Variants in WDR72 observed in about 807,000 individuals in gnomAD.
WDR72 encodes the protein WD repeat domain 72, also known as WD repeat-containing protein 72.
In WDR72, 120 loss-of-function variants were observed where a neutral mutation model predicts 124.2. That is an observed-to-expected ratio of 0.97 (90% CI 0.83 to 1.12). WDR72 has a LOEUF of 1.12. Ranked by LOEUF, WDR72 falls within the 50% of genes most tolerant of loss-of-function variation. The pLI is 0.00. For missense variants in WDR72, 1,387 were observed against 1,278.8 expected (o/e 1.08, Z -1.29); for synonymous variants, 452 against 441.7 (o/e 1.02, Z -0.29).
chr15:53,614,033 T>A (rs534305188), intron 15 of WDR72, among the ~76,000 whole-genome samples: 1 of 152,222 alleles, frequency 6.6e-6, no homozygotes, highest in South Asian at 2.1e-4. Context: ...ATCTGTGAAC[T>A]ATGTTTACAA....
Position 53,737,852 on chromosome 15 carries a change from C to T in WDR72, c.-12-4691G>A, listed in dbSNP as rs545424445. On this transcript the variant is annotated intron_variant, in intron 1 of 19. Transcript: ENST00000360509. ...TGCATCTAGGAATTAAATAAAAATA[C>T]ATTTCAATGAGACCACGCATACAAC... Among the ~76,000 whole-genome samples the T allele has an allele frequency of 7.9e-5, 12 of 152,210 alleles. No homozygotes were observed. The East Asian group carries it at 2.3e-3, about 29-fold the overall frequency.
intron 18 of WDR72, among the ~76,000 whole-genome samples, chr15:53,596,344 C>G (rs4451891): frequency 0.34 from 52,272 of 151,740 alleles, 9,140 homozygotes; most frequent in Admixed American, 0.41. Context: ...GCTAACATTA[C>G]GATAAAAATC....
chr15:53,659,888 G>A (rs1343828362), intron 14 of WDR72, among the ~76,000 whole-genome samples: 1 of 151,998 alleles, frequency 6.6e-6, no homozygotes, highest in Non-Finnish European at 1.5e-5. Context: ...CATCTTCCTA[G>A]GCTGGGTATT....
At chr15:53,756,869 T>G (rs748632612) in intron 1 of WDR72, 2 of 152,206 alleles carry the variant, frequency 1.3e-5, no homozygotes, top group Non-Finnish European at 2.9e-5. Flanking sequence ...TCTTAATCAC[T>G]GCACTATGCT....
At chr15:53,637,837 G>C (rs537847865) in intron 14 of WDR72, among the ~76,000 whole-genome samples, 3 of 152,244 alleles carry the variant, frequency 2.0e-5, no homozygotes, top group Admixed American at 6.5e-5. Flanking sequence ...CACAGAAACT[G>C]TTCATGCGTG....
intron 13 of WDR72, among the ~76,000 whole-genome samples, chr15:53,695,909 C>G (rs1042005595): frequency 6.6e-6 from 1 of 152,200 alleles, no homozygotes; most frequent in Non-Finnish European, 1.5e-5. Context: ...AAACTTTCCT[C>G]TATAATCGAG....
chr15:53,575,104 A>G (rs1299932641), intron 18 of WDR72, among the ~76,000 whole-genome samples: 1 of 151,970 alleles, frequency 6.6e-6, no homozygotes, highest in Non-Finnish European at 1.5e-5. Context: ...ATGTGTTTTG[A>G]TACATATATA....
intron 3 of WDR72, among the ~76,000 whole-genome samples, chr15:53,720,408 G>A (rs2017844741): frequency 6.6e-6 from 1 of 152,108 alleles, no homozygotes; most frequent in Non-Finnish European, 1.5e-5. Flanking sequence ...GCTTTGCTGG[G>A]TTTTGTCCAA....
intron 18 of WDR72, among the ~76,000 whole-genome samples, chr15:53,583,975 A>G (rs1007085996): frequency 2.6e-5 from 4 of 151,978 alleles, no homozygotes; most frequent in African/African-American, 9.7e-5. Flanking sequence ...TGACAGAGAG[A>G]TAATATATCC....
chr15:53,548,245 C>A lies in WDR72; in HGVS notation c.3149-24923G>T, dbSNP rs188113718. ...TAGCACTGAACCATATACCTGTTTT[C>A]CTTCTAAATGCACCCGTGGTAAGGT... On this transcript the variant is annotated intron_variant, in intron 18 of 19. Transcript: ENST00000360509. Among the ~76,000 whole-genome samples the A allele has an allele frequency of 1.3e-3, 197 of 152,282 alleles. 1 individual carries two copies. Among genetic ancestry groups the A allele is most frequent in the African/African-American group, 4.5e-3 (186 of 41,556 alleles).
chr15:53,753,013 A>G (rs1736100929), intron 1 of WDR72, among the ~76,000 whole-genome samples: 2 of 152,190 alleles, frequency 1.3e-5, no homozygotes, highest in Non-Finnish European at 2.9e-5. Flanking sequence ...TAAAGAACCA[A>G]CGTAAAGTAG....
intron 1 of WDR72, among the ~76,000 whole-genome samples, chr15:53,734,663 T>C (rs2140618651): frequency 6.6e-6 from 1 of 152,160 alleles, no homozygotes; most frequent in East Asian, 1.9e-4. Context: ...TATTAATCCC[T>C]ATGTAAGGAT....
chr15:53,673,438 TTTTC>T (rs1246022117), intron 13 of WDR72, among the ~76,000 whole-genome samples: 3 of 152,206 alleles, frequency 2.0e-5, no homozygotes, highest in Non-Finnish European at 4.4e-5. Flanking sequence ...TACAGAAACA[TTTTC>T]TTTATGTTAA....
chr15:53,523,010 C>CTTTG (rs1051976442), intron 19 of WDR72, among the ~76,000 whole-genome samples: 10 of 151,928 alleles, frequency 6.6e-5, no homozygotes. Flanking sequence ...GTCATAAAGC[C>CTTTG]TTTGTACTTC....
intron 13 of WDR72, among the ~76,000 whole-genome samples, chr15:53,671,020 T>G (rs1385729914): frequency 2.0e-5 from 3 of 152,154 alleles, no homozygotes; most frequent in African/African-American, 7.2e-5. Context: ...GATTATATAT[T>G]TGACTTATTT....
At chr15:53,594,924 A>G (rs35968624) in intron 18 of WDR72, among the ~76,000 whole-genome samples, 20,957 of 152,072 alleles carry the variant, frequency 0.14, 2,240 homozygotes, top group African/African-American at 0.3. Flanking sequence ...AAAGAAAAAG[A>G]CAATATTAAT....
Position 53,678,622 on chromosome 15 carries a change from G to T in WDR72, c.1766-12854C>A, listed in dbSNP as rs1019855997. On this transcript the variant is annotated intron_variant, in intron 13 of 19. Transcript: ENST00000360509. The stretch of plus-strand genomic sequence containing the variant: ...GAGTCTTACAGAACAGAGACTTTCC[G>T]GCATCAGCCTTTGTCCTACCCAATT... 2.0e-5 allele frequency among the ~76,000 whole-genome samples: 3 copies of T among 152,066 alleles called. No individual in the cohort carries two copies. In the South Asian group the frequency reaches 6.2e-4, roughly 31 times the overall value.
At chr15:53,726,850 A>C (rs567405324) in intron 2 of WDR72, among the ~76,000 whole-genome samples, 2 of 152,188 alleles carry the variant, frequency 1.3e-5, no homozygotes, top group Non-Finnish European at 2.9e-5. Flanking sequence ...TCTCAAGAAA[A>C]AACAAACACC....
chr15:53,554,442 A>C (rs1474747558), intron 18 of WDR72, among the ~76,000 whole-genome samples: 1 of 152,184 alleles, frequency 6.6e-6, no homozygotes, highest in East Asian at 1.9e-4. Flanking sequence ...AAGCTGGTTC[A>C]GTTGGTTTCA....
Sources: gnomAD v4.1 joint callset for allele counts (sites outside exome capture counted in the v4.1 genomes callset) on GRCh38, gnomAD v4.1.1 for gene constraint, MANE v1.5 for transcripts, NCBI Gene and HGNC (gene_info 2026-07-23, HGNC 2026-07-21) for gene names.